The following FHAD1 variants were observed in gnomAD, a reference collection of about 807,000 sequenced individuals.
FHAD1 encodes the protein forkhead associated phosphopeptide binding domain 1.
FHAD1 carries 146 observed loss-of-function variants against 191.3 expected under a neutral mutation model. The observed-to-expected ratio is 0.76, with a 90% CI of 0.67 to 0.88. The LOEUF is 0.88. Ranked by LOEUF, FHAD1 falls within the 40% of genes least tolerant of loss-of-function variation. The probability of loss-of-function intolerance (pLI) is 0.00; values close to 1 mark genes in which losing one functional copy is unlikely to be tolerated. For missense variants in FHAD1, 1,635 were observed against 1,785.8 expected (o/e 0.92, Z 1.52); for synonymous variants, 616 against 672.3 (o/e 0.92, Z 1.29).
Position 15,312,725 on chromosome 1 carries a change from T to A in FHAD1, c.1040-332T>A, listed in dbSNP as rs1253599824. Among the ~76,000 whole-genome samples, 2 of 152,144 alleles carry A rather than the reference T, an allele frequency of 1.3e-5. No individual in the cohort carries two copies. The highest frequency in any genetic ancestry group is 2.4e-5 in the African/African-American group (1 of 41,420). On this transcript the variant is annotated intron_variant, in intron 7 of 33. Transcript: ENST00000688493. This position sits in a 1 kb window ranked among gnomAD's most constrained non-coding sequence, Gnocchi z 4.7. The stretch of plus-strand genomic sequence containing the variant: ...GTTTCCAAACTCAGATGAGTGTGAA[T>A]CAACACGTCCCTTGCTGCCACAGGC...
chr1:15,279,682 A>G (rs1208298648), intron 3 of FHAD1, among the ~76,000 whole-genome samples: 1 of 151,972 alleles, frequency 6.6e-6, no homozygotes, highest in Non-Finnish European at 1.5e-5. Context: ...CAGCAGCTCT[A>G]GGAAAAGAGC....
intron 9 of FHAD1, 48 bp from the exon 10 acceptor site, chr1:15,317,775 CA>C: frequency 7.4e-7 from 1 of 1,342,514 alleles, no homozygotes; most frequent in Non-Finnish European, 1.0e-6. Context: ...GCCAAGAAGG[CA>C]GCTCCTGCCC....
chr1:15,297,341 T>C (rs1014082547), intron 5 of FHAD1, among the ~76,000 whole-genome samples: 2 of 152,214 alleles, frequency 1.3e-5, no homozygotes, highest in Non-Finnish European at 2.9e-5. Flanking sequence ...TGATTTTGCC[T>C]CACTTAGCCA....
At chr1:15,372,683 GC>G (rs765204435) in intron 26 of FHAD1, among the ~76,000 whole-genome samples, 4 of 152,098 alleles carry the variant, frequency 2.6e-5, no homozygotes, top group Non-Finnish European at 4.4e-5. Context: ...CATATCTATA[GC>G]TATCTATATA....
chr1:15,381,239 T>C lies in FHAD1; in HGVS notation c.3810T>C (p.Asp1270=). The change falls in exon 30 of 34, where the codon GAT becomes GAC. Residue 1270 remains aspartate (D), a synonymous_variant. Coordinates refer to ENST00000688493, the MANE Select transcript of FHAD1 (RefSeq NM_001391957.1). The surrounding 1 kb of genome is among the most constrained non-coding windows in gnomAD (Gnocchi z 4.6). ...ALELSEKLYL[D]MSKTLGSLMN... ...GAACGTTTTCCTTGTAGTACCTGGA[T>C]ATGAGCAAAACCCTCGGAAGTCTCA... 6.4e-7 allele frequency: 1 copy of C among 1,551,434 alleles called. No individual in the cohort carries two copies. Among genetic ancestry groups the C allele is most frequent in the Non-Finnish European group, 8.7e-7 (1 of 1,146,810 alleles).
rs1700706609 is a variant in FHAD1 at position 15,380,708 on chromosome 1, A to G, written c.3713A>G (p.Asn1238Ser). 3.2e-6 allele frequency: 5 copies of G among 1,551,586 alleles called. No homozygotes were observed. Among genetic ancestry groups the G allele is most frequent in the Non-Finnish European group, 4.4e-6 (5 of 1,146,868 alleles). The change falls in exon 29 of 34, where the codon AAT becomes AGT. Residue 1238 changes from asparagine (N) to serine (S), a missense_variant. Coordinates refer to ENST00000688493, the MANE Select transcript of FHAD1 (RefSeq NM_001391957.1). ...ATTTCTTTCTGATTTCAGCCTCAGAATGGCCTTTGCAACGCAAGGTTCGGC... is the reference window on the plus strand; with the variant it reads ...ATTTCTTTCTGATTTCAGCCTCAGAGTGGCCTTTGCAACGCAAGGTTCGGC... ...LSRIEILAPQ[N>S]GLCNARFGSA...
intron 5 of FHAD1, among the ~76,000 whole-genome samples, chr1:15,300,851 G>A (rs528813083): frequency 6.6e-6 from 1 of 151,952 alleles, no homozygotes; most frequent in East Asian, 1.9e-4. Flanking sequence ...CTTTTTTTGA[G>A]ACAGTTTTGC....
At chr1:15,382,539 G>A (rs754046098) in intron 31 of FHAD1, among the ~76,000 whole-genome samples, 9 of 152,204 alleles carry the variant, frequency 5.9e-5, no homozygotes, top group Non-Finnish European at 1.2e-4. Context: ...TGAGTGCCTG[G>A]CACGCGGTAG....
At chr1:15,374,852 T>G (rs917232532) in intron 27 of FHAD1, among the ~76,000 whole-genome samples, 4 of 106,370 alleles carry the variant, frequency 3.8e-5, no homozygotes, top group Non-Finnish European at 7.1e-5. Context: ...TTGTACGTTT[T>G]TTTTTTTGTT....
At position 15,251,866 on chromosome 1, in the gene FHAD1, C is replaced by T. The variant is rs1367907244; in HGVS notation, c.82C>T (p.Leu28Phe). Residue 28 changes from leucine to phenylalanine, a missense_variant, in exon 2 of 34, where the codon CTT becomes TTT. Leu to Phe is a conservative substitution (Grantham distance 22). Coordinates refer to ENST00000688493, the MANE Select transcript of FHAD1 (RefSeq NM_001391957.1). ...TTIGRHENSD[L>F]VLQSPDIDNH... is the part of the protein sequence containing the mutation. ...AATTGGAAGGCATGAAAATTCAGACCTTGTTTTACAGGTAAGAAGTCTTCC... is the reference window on the plus strand; with the variant it reads ...AATTGGAAGGCATGAAAATTCAGACTTTGTTTTACAGGTAAGAAGTCTTCC... The T allele has an allele frequency of 3.2e-6, 5 of 1,552,056 alleles. No individual in the cohort carries two copies. Among genetic ancestry groups the T allele is most frequent in the Non-Finnish European group, 4.4e-6 (5 of 1,147,088 alleles).
At position 15,358,292 on chromosome 1, in the gene FHAD1, G is replaced by C. The variant is rs753652263; in HGVS notation, c.2736+9G>C. The C allele has an allele frequency of 3.9e-6, 6 of 1,522,738 alleles. No individual in the cohort carries two copies. In the African/African-American group the frequency reaches 8.5e-5, roughly 21 times the overall value. The allele number at this position is 1,522,738 out of a possible 1,614,324, so 94.3% of individuals were successfully genotyped here. On this transcript the variant is annotated intron_variant, in intron 21 of 33. Transcript: ENST00000688493. ...CTACCAAGACAAAAATGGTAAGTCGGTGCCTTCCGGGAACGGGAGAATTTT... is the reference window on the plus strand; with the variant it reads ...CTACCAAGACAAAAATGGTAAGTCGCTGCCTTCCGGGAACGGGAGAATTTT...
chr1:15,395,577 G>T (rs942030701), intron 33 of FHAD1, among the ~76,000 whole-genome samples: 1 of 152,124 alleles, frequency 6.6e-6, no homozygotes, highest in African/African-American at 2.4e-5. Context: ...GCCCAGCTGT[G>T]CCAAGTGTCC....
chr1:15,340,921 C>T (rs1686370408), intron 15 of FHAD1, among the ~76,000 whole-genome samples: 1 of 152,134 alleles, frequency 6.6e-6, no homozygotes, highest in Admixed American at 6.5e-5. Context: ...GTGGCTCATG[C>T]CTGTAATCCC....
At chr1:15,356,518 G>T (rs1027018307) in intron 20 of FHAD1, among the ~76,000 whole-genome samples, 4 of 152,130 alleles carry the variant, frequency 2.6e-5, no homozygotes, top group Non-Finnish European at 4.4e-5. Context: ...CGTGACCCAG[G>T]CCACACAGCC....
At chr1:15,360,448 G>C (rs779270584) in intron 21 of FHAD1, 30 bp from the exon 22 acceptor site, 2 of 1,539,522 alleles carry the variant, frequency 1.3e-6, no homozygotes, top group South Asian at 1.2e-5. Flanking sequence ...CAGCTCCCAA[G>C]ACCTCACTGA....
intron 20 of FHAD1, among the ~76,000 whole-genome samples, chr1:15,353,847 T>C (rs1323411583): frequency 6.6e-6 from 1 of 151,590 alleles, no homozygotes; most frequent in Non-Finnish European, 1.5e-5. Context: ...ATAATCAAAA[T>C]GCATTTACTG....
At chr1:15,255,973 C>T (rs1245032842) in intron 2 of FHAD1, among the ~76,000 whole-genome samples, 2 of 151,712 alleles carry the variant, frequency 1.3e-5, no homozygotes, top group African/African-American at 4.8e-5. Context: ...GGCTCCCTGG[C>T]TGCCTTGTGC....
intron 29 of FHAD1, 56 bp downstream of exon 29, chr1:15,380,852 C>A: frequency 1.6e-6 from 2 of 1,280,774 alleles, no homozygotes; most frequent in South Asian, 2.6e-5. Flanking sequence ...CCCCTGCAGT[C>A]AGTGTTGAAC....
intron 14 of FHAD1, among the ~76,000 whole-genome samples, chr1:15,331,695 G>A (rs541684566): frequency 6.6e-6 from 1 of 151,608 alleles, no homozygotes; most frequent in African/African-American, 2.4e-5. Context: ...AGGAAGGCAG[G>A]AGGGAAGGCA....
Sources: allele counts gnomAD v4.1 joint callset (sites outside exome capture counted in the v4.1 genomes callset), GRCh38; gene constraint gnomAD v4.1.1; non-coding constraint Gnocchi (gnomAD v3.1); transcripts MANE v1.5; gene names NCBI Gene and HGNC (gene_info 2026-07-23, HGNC 2026-07-21).